GALNT5: variants seen among roughly 807,000 people sequenced by gnomAD.
GALNT5 encodes polypeptide N-acetylgalactosaminyltransferase 5.
GALNT5 carries 72 observed loss-of-function variants against 85.4 expected under a neutral mutation model. The ratio of observed to expected loss-of-function variants is 0.84; its 90% CI spans 0.70 to 1.03. The LOEUF (loss-of-function observed/expected upper bound fraction) is 1.03, where lower values mean the gene tolerates loss of function less well. Among genes scored for constraint, GALNT5 ranks in the 50% least tolerant of loss-of-function variants. GALNT5 has a pLI of 0.00. For missense variants in GALNT5, 1,137 were observed against 1,135.5 expected, an observed-to-expected ratio of 1.00 and a Z score of -0.02; for synonymous variants, 404 against 397.0, an observed-to-expected ratio of 1.02 and a Z score of -0.21.
chr2:157,257,939 C>A lies in GALNT5; in HGVS notation c.-144C>A. Reference sequence around the variant, plus strand: ...GTAGGAACTGAGCTTTCCCCTTGGACTGCTGCTTCCTGCTGTGTTCAGGGG... The same window carrying A: ...GTAGGAACTGAGCTTTCCCCTTGGAATGCTGCTTCCTGCTGTGTTCAGGGG... On this transcript the variant is annotated 5_prime_UTR_variant, in exon 1 of 10. The change creates a new upstream start codon in the 5' untranslated region. Coordinates refer to ENST00000259056, the MANE Select transcript of GALNT5 (RefSeq NM_014568.3). 1.3e-6 allele frequency: 1 copy of A among 782,836 alleles called. No individual in the cohort carries two copies. The highest frequency in any genetic ancestry group is 2.1e-6 in the Non-Finnish European group (1 of 469,916). 48.5% of individuals were successfully genotyped at this position (782,836 alleles called of 1,614,324 possible). A position where few individuals can be genotyped will look rare whatever the true frequency, so the allele number is the denominator to read the frequency against.
At chr2:157,282,091 T>C in intron 1 of GALNT5, among the ~76,000 whole-genome samples, 1 of 152,218 alleles carries the variant, frequency 6.6e-6, no homozygotes, top group East Asian at 1.9e-4. Context: ...TGTAGACTAA[T>C]ATTAGTTTAG....
chr2:157,269,709 T>C (rs986333558), intron 1 of GALNT5, among the ~76,000 whole-genome samples: 1 of 152,172 alleles, frequency 6.6e-6, no homozygotes, highest in African/African-American at 2.4e-5. Context: ...TTACCTCCAA[T>C]TTTAGACTGT....
At chr2:157,311,071 T>C in intron 9 of GALNT5, 137 bp from the exon 10 acceptor site, 1 of 713,434 alleles carries the variant, frequency 1.4e-6, no homozygotes, top group East Asian at 2.6e-5. Context: ...GTGTTTATGT[T>C]AATAATTTAG....
At chr2:157,261,470 T>C (rs1315533437) in intron 1 of GALNT5, among the ~76,000 whole-genome samples, 2 of 152,110 alleles carry the variant, frequency 1.3e-5, no homozygotes, top group South Asian at 2.1e-4. Context: ...GTAGGAAAAA[T>C]TGACACATGT....
chr2:157,262,244 A>G (rs1449224121), intron 1 of GALNT5, among the ~76,000 whole-genome samples: 1 of 151,850 alleles, frequency 6.6e-6, no homozygotes, highest in African/African-American at 2.4e-5. Context: ...ATTTGGTATA[A>G]TCATTTAAAT....
Position 157,317,242 on chromosome 2 carries a change from A to G in GALNT5, c.*5894A>G, listed in dbSNP as rs796784353. 6.7e-5 allele frequency among the ~76,000 whole-genome samples: 10 copies of G among 149,376 alleles called. No individual in the cohort carries two copies. Among genetic ancestry groups the G allele is most frequent in the African/African-American group, 2.4e-4 (10 of 40,846 alleles). On this transcript the variant is annotated 3_prime_UTR_variant, in exon 10 of 10. Coordinates refer to ENST00000259056, the MANE Select transcript of GALNT5 (RefSeq NM_014568.3). ...TGATCTGGAAGAAAGAAATATCAAG[A>G]GTTTCTATTCACAACATAAAGAAAA...
chr2:157,298,460 C>A (rs1262054151), intron 5 of GALNT5, among the ~76,000 whole-genome samples: 1 of 152,178 alleles, frequency 6.6e-6, no homozygotes, highest in Non-Finnish European at 1.5e-5. Context: ...TTCCCTTCAT[C>A]TGCACAGGGC....
intron 1 of GALNT5, among the ~76,000 whole-genome samples, chr2:157,260,266 G>T (rs927080496): frequency 1.3e-5 from 2 of 152,184 alleles, no homozygotes; most frequent in Admixed American, 6.5e-5. Context: ...CTCCATATGA[G>T]CCCTGCAAAG....
At chr2:157,266,415 C>G (rs1342773716) in intron 1 of GALNT5, among the ~76,000 whole-genome samples, 1 of 152,198 alleles carries the variant, frequency 6.6e-6, no homozygotes, top group Admixed American at 6.5e-5. Flanking sequence ...CAACTCTCCC[C>G]ACGTAGTGAC....
At chr2:157,274,853 T>C (rs1386625326) in intron 1 of GALNT5, among the ~76,000 whole-genome samples, 1 of 152,244 alleles carries the variant, frequency 6.6e-6, no homozygotes, top group Admixed American at 6.5e-5. Context: ...CATTTGTCTG[T>C]TTTGGCTTTT....
At chr2:157,293,810 C>T (rs951768109) in intron 3 of GALNT5, among the ~76,000 whole-genome samples, 17 of 152,176 alleles carry the variant, frequency 1.1e-4, no homozygotes, top group African/African-American at 3.9e-4. Flanking sequence ...GATAACTATC[C>T]TCATCTTGTT....
At chr2:157,275,048 T>C (rs985431091) in intron 1 of GALNT5, among the ~76,000 whole-genome samples, 1 of 152,240 alleles carries the variant, frequency 6.6e-6, no homozygotes, top group Non-Finnish European at 1.5e-5. Flanking sequence ...TTTCTACATA[T>C]GGCTAGCCAG....
chr2:157,295,599 C>T (rs956878959), intron 3 of GALNT5, 64 bp from the exon 4 acceptor site: 4 of 1,296,290 alleles, frequency 3.1e-6, no homozygotes, highest in Admixed American at 2.1e-5. Flanking sequence ...TACCTTTGAA[C>T]ATGAAGTACA....
chr2:157,294,139 G>A (rs1007234801), intron 3 of GALNT5, among the ~76,000 whole-genome samples: 2 of 152,182 alleles, frequency 1.3e-5, no homozygotes, highest in Admixed American at 1.3e-4. Flanking sequence ...TGAGCACCCA[G>A]GTATCAAAGT....
intron 1 of GALNT5, among the ~76,000 whole-genome samples, chr2:157,274,280 A>T (rs904505182): frequency 6.6e-6 from 1 of 152,232 alleles, no homozygotes; most frequent in Non-Finnish European, 1.5e-5. Flanking sequence ...CGCAATAAAC[A>T]AACGTGTACA....
rs1444923700 is a variant in GALNT5, at chr2:157,313,647, C to T, written c.*2299C>T. ...TCTTTTTATCCGAAAATAGTTTCCA[C>T]AAAGAAGTCAACTCTGTTCTGAAAA... On this transcript the variant is annotated 3_prime_UTR_variant, in exon 10 of 10. Transcript: ENST00000259056. The T allele has an allele frequency of 6.6e-6, 1 of 152,030 alleles. No individual in the cohort carries two copies. Among genetic ancestry groups the T allele is most frequent in the African/African-American group, 2.4e-5 (1 of 41,384 alleles). The allele number at this position is 152,030 out of a possible 1,614,324, so 9.4% of individuals were successfully genotyped here.
rs1683714069 is a variant in GALNT5 at position 157,316,744 on chromosome 2, G to A, written c.*5396G>A. Among the ~76,000 whole-genome samples the A allele has an allele frequency of 6.6e-6, 1 of 152,098 alleles. No homozygotes were observed. The highest frequency in any genetic ancestry group is 6.5e-5 in the Admixed American group (1 of 15,270). ...AGTATTCCAGGTGTTGGTGGTGTCT[G>A]TATCTCAAAGAAAGAAAAAAATAAC... On this transcript the variant is annotated 3_prime_UTR_variant, in exon 10 of 10. Coordinates refer to ENST00000259056, the MANE Select transcript of GALNT5 (RefSeq NM_014568.3).
intron 2 of GALNT5, 23 bp from the exon 3 acceptor site, chr2:157,285,992 G>T: frequency 6.4e-7 from 1 of 1,573,906 alleles, no homozygotes; most frequent in South Asian, 1.1e-5. Context: ...AGTATTTCCT[G>T]GTTTATCTTT....
At position 157,257,986 on chromosome 2, in the gene GALNT5, TCTGCTGCTG is replaced by T. The variant is rs138788414; in HGVS notation, c.-79_-71del. 6.4e-5 allele frequency: 85 copies of T among 1,319,958 alleles called. No individual in the cohort carries two copies. The East Asian group carries it at 6.6e-4, about 10-fold the overall frequency. The allele number at this position is 1,319,958 out of a possible 1,614,324, so 81.8% of individuals were successfully genotyped here. Reference sequence around the variant, plus strand: ...GGGGAGGGGGTCACTTTCTGGCAACTCTGCTGCTGCTGCTGCTGCTGCTGCTACTTCAGC... The same window carrying T: ...GGGGAGGGGGTCACTTTCTGGCAACTCTGCTGCTGCTGCTGCTACTTCAGC... On this transcript the variant is annotated 5_prime_UTR_variant, in exon 1 of 10. Coordinates refer to ENST00000259056, the MANE Select transcript of GALNT5 (RefSeq NM_014568.3).
Sources: allele counts gnomAD v4.1 joint callset (sites outside exome capture counted in the v4.1 genomes callset), GRCh38; gene constraint gnomAD v4.1.1; transcripts MANE v1.5; gene names NCBI Gene and HGNC (gene_info 2026-07-23, HGNC 2026-07-21).